The following ROBO2 variants were observed in gnomAD, a reference collection of about 807,000 sequenced individuals.
ROBO2 encodes the protein roundabout guidance receptor 2.
ROBO2 carries 53 observed loss-of-function variants against 160.8 expected under a neutral mutation model. The observed-to-expected ratio is 0.33, with a 90% CI of 0.26 to 0.41. The LOEUF (loss-of-function observed/expected upper bound fraction) is 0.41. ROBO2 is among the 10% of genes least tolerant of loss of function. The pLI is 1.00. For synonymous variants in ROBO2, 664 were observed against 611.7 expected, an observed-to-expected ratio of 1.09 and a Z score of -1.26; for missense variants, 1,577 against 1,722.4, an observed-to-expected ratio of 0.92 and a Z score of 1.49.
chr3:76,653,557 T>C (rs1361645468), intron 2 of ROBO2, among the ~76,000 whole-genome samples: 1 of 151,996 alleles, frequency 6.6e-6, no homozygotes, highest in African/African-American at 2.4e-5. Flanking sequence ...AAATGCTGAT[T>C]CTTATATCTT....
At chr3:76,783,514 C>CTTT (rs71717480) in intron 2 of ROBO2, among the ~76,000 whole-genome samples, 1 of 139,850 alleles carries the variant, frequency 7.2e-6, no homozygotes. Context: ...TAGTTTCTTT[C>CTTT]TTTTTTTTTT....
At chr3:77,318,197 G>A (rs948091987) in intron 2 of ROBO2, among the ~76,000 whole-genome samples, 2 of 151,842 alleles carry the variant, frequency 1.3e-5, no homozygotes, top group Non-Finnish European at 2.9e-5. Context: ...ACAGGCACCT[G>A]CTATTTTTGT....
At chr3:77,631,193 T>C (rs991069975) in intron 23 of ROBO2, 4 of 151,992 alleles carry the variant, frequency 2.6e-5, no homozygotes, top group African/African-American at 9.7e-5. Flanking sequence ...ACTCTATCTT[T>C]CTTTGCTACA....
chr3:76,944,130 T>G (rs1343475466), intron 2 of ROBO2, among the ~76,000 whole-genome samples: 1 of 152,194 alleles, frequency 6.6e-6, no homozygotes, highest in African/African-American at 2.4e-5. Flanking sequence ...TTAAAAGGTC[T>G]GTTTATGTTA....
At chr3:76,552,050 G>A (rs1199042706) in intron 2 of ROBO2, among the ~76,000 whole-genome samples, 1 of 152,128 alleles carries the variant, frequency 6.6e-6, no homozygotes, top group Non-Finnish European at 1.5e-5. Context: ...GTTTCCGGCT[G>A]GCACGGCAAC....
rs1560252245 is a variant in ROBO2, at chr3:76,622,245, A to AGAAAGAAAGAAAGAAAGAAG, written c.110-475750_110-475749insGGAAAGAAAGAAAGAAAGAA. On this transcript the variant is annotated intron_variant, in intron 2 of 26. Transcript: ENST00000487694. ...AAGGAAGGAAGGAAGGAAGAAAGAAAGAAAGAAAGAAAGAAAGAAAGAAAG... is the reference window on the plus strand; with the variant it reads ...AAGGAAGGAAGGAAGGAAGAAAGAAAGAAAGAAAGAAAGAAAGAAGGAAAGAAAGAAAGAAAGAAAGAAAG... Among the ~76,000 whole-genome samples the AGAAAGAAAGAAAGAAAGAAG allele has an allele frequency of 6.4e-3, 281 of 44,150 alleles. 13 individuals are homozygous for AGAAAGAAAGAAAGAAAGAAG. Among genetic ancestry groups the AGAAAGAAAGAAAGAAAGAAG allele is most frequent in the Non-Finnish European group, 8.7e-3 (197 of 22,588 alleles). The allele number at this position is 44,150 out of a possible 152,430, so 29.0% of individuals were successfully genotyped here. A position where few individuals can be genotyped will look rare whatever the true frequency, so the allele number is the denominator to read the frequency against.
intron 2 of ROBO2, among the ~76,000 whole-genome samples, chr3:76,411,627 T>C (rs1396835325): frequency 6.6e-6 from 1 of 152,140 alleles, no homozygotes; most frequent in Admixed American, 6.5e-5. Context: ...TTCACACATA[T>C]CCAACTCTCC....
intron 5 of ROBO2, among the ~76,000 whole-genome samples, chr3:77,495,430 T>C (rs1449205994): frequency 6.6e-6 from 1 of 152,206 alleles, no homozygotes; most frequent in Non-Finnish European, 1.5e-5. Context: ...GTAAAGTGTA[T>C]ACATTATTTG....
At chr3:76,337,871 A>C (rs1464467718) in intron 2 of ROBO2, among the ~76,000 whole-genome samples, 1 of 152,208 alleles carries the variant, frequency 6.6e-6, no homozygotes, top group East Asian at 1.9e-4. Flanking sequence ...CAAAAGTAAT[A>C]AAATTGATGA....
intron 2 of ROBO2, among the ~76,000 whole-genome samples, chr3:77,461,236 CTA>C (rs1306952686): frequency 6.6e-6 from 1 of 151,982 alleles, no homozygotes; most frequent in African/African-American, 2.4e-5. Flanking sequence ...CTAAAAATAA[CTA>C]AATGATAATA....
intron 2 of ROBO2, among the ~76,000 whole-genome samples, chr3:76,650,497 TTTTC>T (rs2091206253): frequency 6.6e-6 from 1 of 152,144 alleles, no homozygotes; most frequent in African/African-American, 2.4e-5. Flanking sequence ...TTTTTTATTT[TTTTC>T]TTTATTTTCT....
intron 2 of ROBO2, among the ~76,000 whole-genome samples, chr3:77,163,252 G>A (rs2078656646): frequency 6.6e-6 from 1 of 152,208 alleles, no homozygotes; most frequent in Non-Finnish European, 1.5e-5. Flanking sequence ...CTTTTAAAAT[G>A]TATATAGTTA....
chr3:76,984,588 T>G (rs944977277), intron 2 of ROBO2, among the ~76,000 whole-genome samples: 5 of 152,096 alleles, frequency 3.3e-5, no homozygotes, highest in Non-Finnish European at 5.9e-5. Context: ...CCCTTTTACT[T>G]TGGGTTTGCC....
chr3:77,318,324 AC>A (rs1232342585), intron 2 of ROBO2, among the ~76,000 whole-genome samples: 1 of 152,144 alleles, frequency 6.6e-6, no homozygotes, highest in Non-Finnish European at 1.5e-5. Flanking sequence ...GTGAGCCACC[AC>A]GCCCAGCTAG....
intron 2 of ROBO2, among the ~76,000 whole-genome samples, chr3:76,166,580 A>G (rs1292671789): frequency 6.6e-6 from 1 of 152,144 alleles, no homozygotes; most frequent in Non-Finnish European, 1.5e-5. Flanking sequence ...CCAGCTACCT[A>G]ACTCCGAAAT....
chr3:76,037,962 G>A (rs2067168139), intron 2 of ROBO2, among the ~76,000 whole-genome samples: 1 of 152,028 alleles, frequency 6.6e-6, no homozygotes, highest in Admixed American at 6.5e-5. Flanking sequence ...ATATAGATCA[G>A]AATATGCAGA....
At chr3:77,283,923 T>C (rs2060412428) in intron 2 of ROBO2, among the ~76,000 whole-genome samples, 1 of 152,178 alleles carries the variant, frequency 6.6e-6, no homozygotes, top group African/African-American at 2.4e-5. Context: ...TTGGATCAGA[T>C]TATGCTTTAC....
chr3:76,109,498 A>G (rs1018033879), intron 2 of ROBO2, among the ~76,000 whole-genome samples: 2 of 151,980 alleles, frequency 1.3e-5, no homozygotes, highest in Non-Finnish European at 2.9e-5. Context: ...TTCTGCAGAC[A>G]CCTTGGAGTC....
intron 2 of ROBO2, among the ~76,000 whole-genome samples, chr3:76,827,131 C>A (rs1208269594): frequency 1.3e-5 from 2 of 152,072 alleles, no homozygotes; most frequent in Non-Finnish European, 2.9e-5. Context: ...GGGAGTAAAT[C>A]ACAAGAGATT....
Sources: gnomAD v4.1 joint callset for allele counts (sites outside exome capture counted in the v4.1 genomes callset) on GRCh38, gnomAD v4.1.1 for gene constraint, MANE v1.5 for transcripts, NCBI Gene and HGNC (gene_info 2026-07-23, HGNC 2026-07-21) for gene names.